The following PXK variants were observed in gnomAD, a reference collection of about 807,000 sequenced individuals.
PXK encodes PX domain containing serine/threonine kinase like.
PXK carries 35 observed loss-of-function variants against 84.7 expected under a neutral mutation model. The observed-to-expected ratio is 0.41, with a 90% CI of 0.32 to 0.55. PXK has a LOEUF of 0.55. PXK is among the 20% of genes least tolerant of loss of function. The probability of loss-of-function intolerance (pLI) is 0.21; values close to 1 mark genes in which losing one functional copy is unlikely to be tolerated. For missense variants in PXK, 634 were observed against 699.7 expected (o/e 0.91, Z 1.06); for synonymous variants, 253 against 260.8 (o/e 0.97, Z 0.29).
intron 2 of PXK, among the ~76,000 whole-genome samples, chr3:58,368,463 C>T (rs946791938): frequency 6.6e-6 from 1 of 152,120 alleles, no homozygotes; most frequent in Non-Finnish European, 1.5e-5. Flanking sequence ...GCTGAGGCTA[C>T]AGGTGCTCGC....
chr3:58,338,690 CTT>C (rs869295407), intron 1 of PXK, among the ~76,000 whole-genome samples: 34 of 140,346 alleles, frequency 2.4e-4, no homozygotes, highest in Admixed American at 3.6e-4. Context: ...CTTCCTTTTT[CTT>C]TTTTTTTTTT....
chr3:58,412,783 A>G lies in PXK; in HGVS notation c.1466-118A>G. 9.8e-7 allele frequency: 1 copy of G among 1,016,326 alleles called. No homozygotes were observed. The highest frequency in any genetic ancestry group is 1.3e-5 in the South Asian group (1 of 75,496). 63.0% of individuals were successfully genotyped at this position (1,016,326 alleles called of 1,614,324 possible). ...TTTTTGTCCCTCATCATCTTGTTTC[A>G]CAAGGCTCACACACTAAGCCAAATG... On this transcript the variant is annotated intron_variant, in intron 16 of 17. Transcript: ENST00000356151. The surrounding 1 kb of genome is among the most constrained non-coding windows in gnomAD (Gnocchi z 6.2).
At position 58,425,173 on chromosome 3, in the gene PXK, C is replaced by G. The variant is rs1365000093; in HGVS notation, c.*213C>G. ...GCATTGCTCCCTTAAGATCTTGCTC[C>G]TTTATTAACCCTGTAAAGGAGTCTT... is the stretch of plus-strand genomic sequence containing the variant. On this transcript the variant is annotated 3_prime_UTR_variant, in exon 18 of 18. Coordinates refer to ENST00000356151, the MANE Select transcript of PXK (RefSeq NM_017771.5). 1 of 671,296 alleles carries G rather than the reference C, an allele frequency of 1.5e-6. No homozygotes were observed. Among genetic ancestry groups the G allele is most frequent in the Admixed American group, 3.2e-5 (1 of 31,592 alleles). The allele number at this position is 671,296 out of a possible 1,614,324, so 41.6% of individuals were successfully genotyped here.
chr3:58,421,801 C>G lies in PXK; in HGVS notation c.1529-2951C>G, dbSNP rs2061913023. ...AGTAGTTGGCTCTCAGGGATTTTGT[C>G]TAAGAGAAAGTGAGATGGGAGAAAT... On this transcript the variant is annotated intron_variant, in intron 17 of 17. Coordinates refer to ENST00000356151, the MANE Select transcript of PXK (RefSeq NM_017771.5). This position sits in a 1 kb window ranked among gnomAD's most constrained non-coding sequence, Gnocchi z 5.5. 1.0e-6 allele frequency: 1 copy of G among 985,272 alleles called. No homozygotes were observed. The highest frequency in any genetic ancestry group is 1.2e-6 in the Non-Finnish European group (1 of 829,946). The allele number at this position is 985,272 out of a possible 1,614,324, so 61.0% of individuals were successfully genotyped here. A position where few individuals can be genotyped will look rare whatever the true frequency, so the allele number is the denominator to read the frequency against.
chr3:58,345,498 T>A (rs1317119275), intron 1 of PXK, among the ~76,000 whole-genome samples: 2 of 152,264 alleles, frequency 1.3e-5, no homozygotes, highest in African/African-American at 4.8e-5. Flanking sequence ...TTACCGTTTT[T>A]ATGATAATTC....
intron 1 of PXK, among the ~76,000 whole-genome samples, chr3:58,352,440 G>C (rs1372814327): frequency 2.0e-5 from 3 of 152,230 alleles, no homozygotes; most frequent in Admixed American, 6.5e-5. Flanking sequence ...TAAACATGTA[G>C]TGGGTAGTTC....
chr3:58,388,750 T>C (rs2098593105), intron 4 of PXK, among the ~76,000 whole-genome samples: 1 of 152,216 alleles, frequency 6.6e-6, no homozygotes, highest in Admixed American at 6.5e-5. Flanking sequence ...GCTAGTAAAT[T>C]GTTTTCTTCC....
Position 58,333,581 on chromosome 3 carries a change from G to C in PXK, c.102+491G>C, listed in dbSNP as rs1398103041. ...TGTGACTCCAGAGCCTACTTGTTGG[G>C]ACAGCAGAGTGTAAGTGGCTGGGGT... On this transcript the variant is annotated intron_variant, in intron 1 of 17. Transcript: ENST00000356151. The surrounding 1 kb of genome is among the most constrained non-coding windows in gnomAD (Gnocchi z 5.4). 2.2e-5 allele frequency: 10 copies of C among 456,632 alleles called. No homozygotes were observed. Among genetic ancestry groups the C allele is most frequent in the Non-Finnish European group, 4.4e-6 (1 of 226,976 alleles). The allele number at this position is 456,632 out of a possible 1,614,324, so 28.3% of individuals were successfully genotyped here.
intron 3 of PXK, among the ~76,000 whole-genome samples, chr3:58,373,218 C>G (rs1387336766): frequency 6.6e-6 from 1 of 150,960 alleles, no homozygotes; most frequent in African/African-American, 2.4e-5. Context: ...GCTAAGACTA[C>G]AAGGCGCCCG....
rs1339786732 is a variant in PXK at position 58,333,909 on chromosome 3, A to G, written c.102+819A>G. Among the ~76,000 whole-genome samples the G allele has an allele frequency of 3.3e-5, 5 of 150,480 alleles. No individual in the cohort carries two copies. The highest frequency in any genetic ancestry group is 1.2e-4 in the African/African-American group (5 of 40,834). On this transcript the variant is annotated intron_variant, in intron 1 of 17. Coordinates refer to ENST00000356151, the MANE Select transcript of PXK (RefSeq NM_017771.5). The surrounding 1 kb of genome is among the most constrained non-coding windows in gnomAD (Gnocchi z 5.4). Reference sequence around the variant, plus strand: ...TTTTTTGAAAGGCCCACTATGCATTATAATTTCCAAGCAATAAATCTAGGA... The same window carrying G: ...TTTTTTGAAAGGCCCACTATGCATTGTAATTTCCAAGCAATAAATCTAGGA...
intron 1 of PXK, among the ~76,000 whole-genome samples, chr3:58,349,436 A>C (rs1190917047): frequency 6.6e-6 from 1 of 150,816 alleles, no homozygotes; most frequent in African/African-American, 2.4e-5. Context: ...GCTCACTGCA[A>C]CCTCTGCCTC....
At chr3:58,406,282 AT>A (rs56124813) in intron 13 of PXK, among the ~76,000 whole-genome samples, 228 of 144,382 alleles carry the variant, frequency 1.6e-3, no homozygotes, top group African/African-American at 2.9e-3. Context: ...TTTAATTTTA[AT>A]TTTTTTTTTT....
At chr3:58,366,957 T>C (rs750337096) in intron 2 of PXK, among the ~76,000 whole-genome samples, 1 of 152,198 alleles carries the variant, frequency 6.6e-6, no homozygotes, top group Non-Finnish European at 1.5e-5. Flanking sequence ...ACCTTATATT[T>C]AACTTTTTGA....
Position 58,366,864 on chromosome 3 carries a change from T to C in PXK, c.153+940T>C, listed in dbSNP as rs372639501. Among the ~76,000 whole-genome samples the C allele has an allele frequency of 1.9e-4, 29 of 152,382 alleles. No individual in the cohort carries two copies. The East Asian group carries it at 3.3e-3, about 17-fold the overall frequency. On this transcript the variant is annotated intron_variant, in intron 2 of 17. Coordinates refer to ENST00000356151, the MANE Select transcript of PXK (RefSeq NM_017771.5). Reference sequence around the variant, plus strand: ...ACTGTCTAAGGTCACAGTTAGATCATTGGCAGAGTAGAGTTGGAATTTGCT... The same window carrying C: ...ACTGTCTAAGGTCACAGTTAGATCACTGGCAGAGTAGAGTTGGAATTTGCT...
chr3:58,349,282 TC>T (rs1237503414), intron 1 of PXK, among the ~76,000 whole-genome samples: 1 of 151,712 alleles, frequency 6.6e-6, no homozygotes, highest in East Asian at 1.9e-4. Flanking sequence ...TGGAGAGAGA[TC>T]CATGTTATAT....
rs184757029 is a variant in PXK, at chr3:58,382,616, G to A, written c.304G>A (p.Val102Met). ...GAAAGGTCTTCAGAACTATCTCAAC[G>A]TGATCACAACAAATCATATCTTGTC... ...RQKGLQNYLN[V>M]ITTNHILSNC... is the part of the protein sequence containing the mutation. The change falls in exon 4 of 18, where the codon GTG becomes ATG. Residue 102 changes from valine to methionine, a missense_variant. Coordinates refer to ENST00000356151, the MANE Select transcript of PXK (RefSeq NM_017771.5). The A allele has an allele frequency of 3.2e-4, 518 of 1,606,520 alleles. No homozygotes were observed. The highest frequency in any genetic ancestry group is 4.0e-4 in the Non-Finnish European group (469 of 1,177,748).
rs921242319 is a variant in PXK at position 58,423,310 on chromosome 3, A to G, written c.1529-1442A>G. 119 of 1,443,954 alleles carry G rather than the reference A, an allele frequency of 8.2e-5. No individual in the cohort carries two copies. The African/African-American group carries it at 1.2e-3, about 14-fold the overall frequency. The allele number at this position is 1,443,954 out of a possible 1,614,324, so 89.4% of individuals were successfully genotyped here. Reference sequence around the variant, plus strand: ...CCCACAATCCACCTTAGCATAAAACATAACAATTTCATTCATCAGTTGTTA... The same window carrying G: ...CCCACAATCCACCTTAGCATAAAACGTAACAATTTCATTCATCAGTTGTTA... On this transcript the variant is annotated intron_variant, in intron 17 of 17. Transcript: ENST00000356151.
chr3:58,351,212 A>G (rs1271256592), intron 1 of PXK, among the ~76,000 whole-genome samples: 1 of 151,982 alleles, frequency 6.6e-6, no homozygotes, highest in African/African-American at 2.4e-5. Context: ...TATTTAATTT[A>G]TTTTATTTTT....
chr3:58,359,544 A>G (rs991522738), intron 1 of PXK, among the ~76,000 whole-genome samples: 1 of 151,822 alleles, frequency 6.6e-6, no homozygotes, highest in African/African-American at 2.4e-5. Context: ...AAAAAAAAAA[A>G]GAAAAAAAAT....
Sources: gnomAD v4.1 joint callset for allele counts (sites outside exome capture counted in the v4.1 genomes callset) on GRCh38, gnomAD v4.1.1 for gene constraint, Gnocchi (gnomAD v3.1) non-coding constraint, MANE v1.5 for transcripts, NCBI Gene and HGNC (gene_info 2026-07-23, HGNC 2026-07-21) for gene names.